The following UBAC1 variants were observed in gnomAD, a reference collection of about 807,000 sequenced individuals.
UBAC1 encodes UBA domain containing 1.
UBAC1 carries 27 observed loss-of-function variants against 45.9 expected under a neutral mutation model. That is an observed-to-expected ratio of 0.59 (90% confidence interval 0.43 to 0.81). The LOEUF (loss-of-function observed/expected upper bound fraction) is 0.81. Ranked by LOEUF, UBAC1 falls within the 30% of genes least tolerant of loss-of-function variation. The probability of loss-of-function intolerance (pLI) is 0.00; values close to 1 mark genes in which losing one functional copy is unlikely to be tolerated. For missense variants in UBAC1, 529 were observed against 539.2 expected (o/e 0.98, Z 0.19); for synonymous variants, 227 against 215.5 (o/e 1.05, Z -0.47).
chr9:135,937,686 C>A (rs1397382920), intron 9 of UBAC1, among the ~76,000 whole-genome samples: 1 of 152,132 alleles, frequency 6.6e-6, no homozygotes, highest in South Asian at 2.1e-4. Context: ...GCGGCCACGG[C>A]GACGGCCACA....
chr9:135,937,118 C>T (rs10858184), intron 9 of UBAC1, among the ~76,000 whole-genome samples: 29,558 of 152,108 alleles, frequency 0.19, 3,511 homozygotes, highest in Non-Finnish European at 0.27. Flanking sequence ...AGAGACACTT[C>T]CAGCCTGCTC....
intron 3 of UBAC1, among the ~76,000 whole-genome samples, chr9:135,948,587 G>C (rs1168511592): frequency 6.6e-6 from 1 of 152,254 alleles, no homozygotes; most frequent in Non-Finnish European, 1.5e-5. Context: ...CAGAGAGCTG[G>C]GCTTGAGACC....
At chr9:135,941,949 G>T (rs142139721) in intron 7 of UBAC1, among the ~76,000 whole-genome samples, 1,862 of 152,322 alleles carry the variant, frequency 0.012, 27 homozygotes, top group Non-Finnish European at 0.017. Context: ...AGGCTAGGAG[G>T]ACTGATGGGC....
intron 3 of UBAC1, among the ~76,000 whole-genome samples, chr9:135,949,044 A>G (rs1401088447): frequency 6.6e-6 from 1 of 151,264 alleles, no homozygotes; most frequent in Non-Finnish European, 1.5e-5. Context: ...GGTGAGTGAC[A>G]GTGAGACACC....
chr9:135,955,541 T>C lies in UBAC1; in HGVS notation c.139-126A>G, dbSNP rs1839457505. 1.3e-5 allele frequency: 14 copies of C among 1,060,598 alleles called. No individual in the cohort carries two copies. In the South Asian group the frequency reaches 2.5e-4, roughly 19 times the overall value. The allele number at this position is 1,060,598 out of a possible 1,614,324, so 65.7% of individuals were successfully genotyped here. A position where few individuals can be genotyped will look rare whatever the true frequency, so the allele number is the denominator to read the frequency against. ...TCTTATGAGCTAAGAAATTACACCA[T>C]GGATGAAATTAAAGAATTCCCACTA... On this transcript the variant is annotated intron_variant, in intron 1 of 9. Transcript: ENST00000371756.
intron 4 of UBAC1, 72 bp from the exon 5 acceptor site, chr9:135,946,443 C>T (rs1839337199): frequency 1.0e-6 from 1 of 971,520 alleles, no homozygotes; most frequent in Non-Finnish European, 1.7e-6. Flanking sequence ...ACTTGCTCCC[C>T]TGTCCTAGAA....
At chr9:135,952,487 TGCTCA>T (rs972104465) in intron 3 of UBAC1, among the ~76,000 whole-genome samples, 2 of 152,258 alleles carry the variant, frequency 1.3e-5, no homozygotes, top group African/African-American at 4.8e-5. Context: ...CATCTTCCTC[TGCTCA>T]GTGAGCTTTC....
At chr9:135,950,288 T>C (rs192033725) in intron 3 of UBAC1, among the ~76,000 whole-genome samples, 10 of 152,262 alleles carry the variant, frequency 6.6e-5, no homozygotes, top group Admixed American at 5.9e-4. Flanking sequence ...AACGGAAAAC[T>C]TGCATAGACT....
chr9:135,948,599 C>T (rs542636108), intron 3 of UBAC1, among the ~76,000 whole-genome samples: 5 of 152,376 alleles, frequency 3.3e-5, no homozygotes, highest in African/African-American at 4.8e-5. Flanking sequence ...CTTGAGACCC[C>T]GGGCCAGGAG....
At chr9:135,939,860 G>T in intron 7 of UBAC1, 101 bp from the exon 8 acceptor site, 1 of 983,032 alleles carries the variant, frequency 1.0e-6, no homozygotes, top group Non-Finnish European at 1.6e-6. Context: ...CTAGCGGAGG[G>T]TGCTCCCAAC....
chr9:135,935,888 C>T (rs768791883), intron 9 of UBAC1, among the ~76,000 whole-genome samples: 28 of 151,862 alleles, frequency 1.8e-4, no homozygotes, highest in East Asian at 1.2e-3. Context: ...TAGCCGGGCA[C>T]GGTGGCGGGC....
intron 7 of UBAC1, among the ~76,000 whole-genome samples, chr9:135,941,036 C>A (rs1839264070): frequency 2.0e-5 from 3 of 152,186 alleles, no homozygotes; most frequent in Admixed American, 2.0e-4. Context: ...TCCAAGAGAA[C>A]CTGGCAGAAA....
chr9:135,940,971 G>A (rs540465994), intron 7 of UBAC1, among the ~76,000 whole-genome samples: 5 of 152,316 alleles, frequency 3.3e-5, no homozygotes, highest in African/African-American at 1.2e-4. Context: ...ATGCAGCACT[G>A]CACCCCGCGG....
chr9:135,957,153 C>G (rs1035944709), intron 1 of UBAC1, among the ~76,000 whole-genome samples: 1 of 152,206 alleles, frequency 6.6e-6, no homozygotes, highest in African/African-American at 2.4e-5. Context: ...ACTCTCAAGA[C>G]TGAAAACGGT....
chr9:135,956,407 G>A (rs1455480904), intron 1 of UBAC1, among the ~76,000 whole-genome samples: 1 of 152,178 alleles, frequency 6.6e-6, no homozygotes, highest in East Asian at 1.9e-4. Context: ...GCTTTCCTTT[G>A]AACACGGGGG....
intron 1 of UBAC1, among the ~76,000 whole-genome samples, chr9:135,959,640 T>C (rs1839508564): frequency 6.6e-6 from 1 of 152,104 alleles, no homozygotes; most frequent in South Asian, 2.1e-4. Flanking sequence ...CCCAAAGTGC[T>C]GGGATTACAA....
At chr9:135,956,552 T>C (rs1402683449) in intron 1 of UBAC1, among the ~76,000 whole-genome samples, 4 of 152,062 alleles carry the variant, frequency 2.6e-5, no homozygotes, top group Non-Finnish European at 4.4e-5. Flanking sequence ...CACTCTATTA[T>C]CTACCTCAGC....
chr9:135,938,125 T>C (rs1839221009), intron 9 of UBAC1, 97 bp downstream of exon 9: 2 of 1,528,764 alleles, frequency 1.3e-6, no homozygotes, highest in African/African-American at 1.4e-5. Context: ...TCCTCAGCGC[T>C]GGATCCTCCG....
At chr9:135,955,457 C>G in intron 1 of UBAC1, 42 bp from the exon 2 acceptor site, 1 of 1,491,516 alleles carries the variant, frequency 6.7e-7, no homozygotes, top group Non-Finnish European at 8.9e-7. Flanking sequence ...ATAAGTAAAT[C>G]GTAATTCTAA....
Sources: allele counts gnomAD v4.1 joint callset (sites outside exome capture counted in the v4.1 genomes callset), GRCh38; gene constraint gnomAD v4.1.1; transcripts MANE v1.5; gene names NCBI Gene and HGNC (gene_info 2026-07-23, HGNC 2026-07-21).